The following UBN2 variants were observed in gnomAD, a reference collection of about 807,000 sequenced individuals.
The protein encoded by UBN2 is ubinuclein-2.
In UBN2, 35 loss-of-function variants were observed where a neutral mutation model predicts 120.2. The ratio of observed to expected loss-of-function variants is 0.29; its 90% confidence interval spans 0.22 to 0.39. UBN2 has a LOEUF of 0.39. Among genes scored for constraint, UBN2 ranks in the 10% least tolerant of loss-of-function variants. The pLI is 1.00. For missense variants in UBN2, 1,693 were observed against 1,663.2 expected, an observed-to-expected ratio of 1.02 and a Z score of -0.31; for synonymous variants, 661 against 648.7, an observed-to-expected ratio of 1.02 and a Z score of -0.29.
rs1032241013 is a variant in UBN2 at position 139,299,524 on chromosome 7, C to T, written c.*1688C>T. The T allele has an allele frequency of 2.0e-5, 3 of 151,972 alleles. No homozygotes were observed. The highest frequency in any genetic ancestry group is 3.9e-4 in the East Asian group (2 of 5,166). 9.4% of individuals were successfully genotyped at this position (151,972 alleles called of 1,614,324 possible). A position where few individuals can be genotyped will look rare whatever the true frequency, so the allele number is the denominator to read the frequency against. On this transcript the variant is annotated 3_prime_UTR_variant, in exon 18 of 18. Coordinates refer to ENST00000473989, the MANE Select transcript of UBN2 (RefSeq NM_173569.4). ...AAAGTCACATTGGCTTGCTTCATAGCGAAAAAGTTAATAAATAACTGAAAA... is the reference window on the plus strand; with the variant it reads ...AAAGTCACATTGGCTTGCTTCATAGTGAAAAAGTTAATAAATAACTGAAAA...
In UBN2 at chr7:139,305,002, G is replaced by A. The variant is rs1798335444; in HGVS notation, c.*7166G>A. 1.3e-5 allele frequency: 2 copies of A among 151,564 alleles called. No homozygotes were observed. The highest frequency in any genetic ancestry group is 4.1e-4 in the South Asian group (2 of 4,830). The allele number at this position is 151,564 out of a possible 1,614,324, so 9.4% of individuals were successfully genotyped here. A position where few individuals can be genotyped will look rare whatever the true frequency, so the allele number is the denominator to read the frequency against. ...TCATCTATCGTAAAATGTGAACTCT[G>A]TATTCAAAAACTATCTACAGATGCT... On this transcript the variant is annotated 3_prime_UTR_variant, in exon 18 of 18. Transcript: ENST00000473989.
At chr7:139,312,545 T>C (rs527365609), downstream of UBN2, among the ~76,000 whole-genome samples, 17 of 152,362 alleles carry the variant, frequency 1.1e-4, no homozygotes, top group East Asian at 3.3e-3. Context: ...CAATTGCATT[T>C]TGGTTTCTTG....
At chr7:139,261,985 G>A (rs182773923) in intron 6 of UBN2, among the ~76,000 whole-genome samples, 4,463 of 140,812 alleles carry the variant, frequency 0.032, 101 homozygotes, top group South Asian at 0.087. Flanking sequence ...GGGTTTCACC[G>A]TGTTAGCCAG....
the UBN2 span, among the ~76,000 whole-genome samples, chr7:139,320,025 G>A: frequency 1.3e-4 from 20 of 151,220 alleles, no homozygotes; most frequent in East Asian, 1.8e-3. Flanking sequence ...GCAGTGAGCC[G>A]AGATCGTGCC....
chr7:139,317,953 G>A, the UBN2 span, among the ~76,000 whole-genome samples: 1 of 152,082 alleles, frequency 6.6e-6, no homozygotes, highest in African/African-American at 2.4e-5. Flanking sequence ...ATGAGCCACC[G>A]CACGCAGCCC....
the UBN2 span, among the ~76,000 whole-genome samples, chr7:139,325,261 C>CT: frequency 0.028 from 2,579 of 90,786 alleles, 9 homozygotes; most frequent in Non-Finnish European, 0.037. Flanking sequence ...GAAATCACTG[C>CT]TTTTTTTTTT....
chr7:139,313,576 G>A, the UBN2 span, among the ~76,000 whole-genome samples: 1 of 152,042 alleles, frequency 6.6e-6, no homozygotes, highest in Non-Finnish European at 1.5e-5. Flanking sequence ...TTACGTCTTA[G>A]AGCATTAGAC....
intron 2 of UBN2, 61 bp downstream of exon 2, chr7:139,237,158 G>T: frequency 7.9e-7 from 1 of 1,271,848 alleles, no homozygotes; most frequent in Non-Finnish European, 1.1e-6. Context: ...TGCTTTCTGT[G>T]GCTGGTTGGG....
At position 139,231,591 on chromosome 7, in the gene UBN2, C is replaced by T. The variant is rs1380945722; in HGVS notation, c.107C>T (p.Pro36Leu). The part of the protein sequence containing the change: ...EREPEYPREP[P>L]RLEPQPYREP... ...GAGCCCGAGTACCCCCGCGAGCCCC[C>T]CCGGCTGGAGCCGCAGCCGTACCGC... The change falls in exon 1 of 18, where the codon CCC becomes CTC. Residue 36 changes from proline (P) to leucine (L), a missense_variant. Physicochemically the swap from Pro to Leu is moderately conservative, Grantham distance 98. Around this residue, in one of 5 missense-constraint regions of UBN2, gnomAD observed 663 missense variants for 591.2 expected, o/e 1.12. Coordinates refer to ENST00000473989, the MANE Select transcript of UBN2 (RefSeq NM_173569.4). 7 of 1,393,094 alleles carry T rather than the reference C, an allele frequency of 5.0e-6. No individual in the cohort carries two copies. In the Admixed American group the frequency reaches 1.6e-4, roughly 31 times the overall value. 86.3% of individuals were successfully genotyped at this position (1,393,094 alleles called of 1,614,324 possible).
Position 139,302,979 on chromosome 7 carries a change from C to T in UBN2, c.*5143C>T, listed in dbSNP as rs972188872. ...TAGACTAAACATGTGACAAGGCTAG[C>T]GTTAGAACCGCAGTTTGGTGTCTAA... On this transcript the variant is annotated 3_prime_UTR_variant, in exon 18 of 18. Coordinates refer to ENST00000473989, the MANE Select transcript of UBN2 (RefSeq NM_173569.4). 6.6e-6 allele frequency: 1 copy of T among 152,162 alleles called. No individual in the cohort carries two copies. Among genetic ancestry groups the T allele is most frequent in the Non-Finnish European group, 1.5e-5 (1 of 68,028 alleles). The allele number at this position is 152,162 out of a possible 1,614,324, so 9.4% of individuals were successfully genotyped here.
chr7:139,310,339 GA>G (rs1206724630), downstream of UBN2, among the ~76,000 whole-genome samples: 5 of 152,102 alleles, frequency 3.3e-5, no homozygotes, highest in South Asian at 8.3e-4. Context: ...TTTGGTAGGG[GA>G]AAAAAGTACA....
chr7:139,259,307 G>A lies in UBN2; in HGVS notation c.842G>A (p.Arg281Gln), dbSNP rs773685000. The A allele has an allele frequency of 5.0e-6, 8 of 1,613,658 alleles. No individual in the cohort carries two copies. Among genetic ancestry groups the A allele is most frequent in the Admixed American group, 1.7e-5 (1 of 59,974 alleles). The change falls in exon 5 of 18, where the codon CGG (arginine) becomes CAG (glutamine). Residue 281 changes from arginine (R) to glutamine (Q), a missense_variant. Arg to Gln is a conservative substitution (Grantham distance 43, BLOSUM62 1). Around this residue, in one of 5 missense-constraint regions of UBN2, gnomAD observed 663 missense variants for 591.2 expected, o/e 1.12. Coordinates refer to ENST00000473989, the MANE Select transcript of UBN2 (RefSeq NM_173569.4). ...IKEDDIEMKKRKRKEEGEKEK... is the reference protein window; with the variant it reads ...IKEDDIEMKKQKRKEEGEKEK... ...GAAGATGATATTGAGATGAAGAAGCGGAAGCGGAAAGAGGAAGGGGAAAAG... is the reference window on the plus strand; with the variant it reads ...GAAGATGATATTGAGATGAAGAAGCAGAAGCGGAAAGAGGAAGGGGAAAAG...
At chr7:139,330,423 C>T in the UBN2 span, among the ~76,000 whole-genome samples, 9 of 152,098 alleles carry the variant, frequency 5.9e-5, no homozygotes, top group African/African-American at 2.2e-4. Context: ...TCCTTTTTGC[C>T]TCTTACTTCC....
At chr7:139,259,433 A>T in intron 5 of UBN2, 63 bp downstream of exon 5, 2 of 1,586,340 alleles carry the variant, frequency 1.3e-6, no homozygotes, top group Admixed American at 3.8e-5. Context: ...TCCCTTTAGA[A>T]AGATATACTT....
the UBN2 span, among the ~76,000 whole-genome samples, chr7:139,324,434 T>C: frequency 6.6e-6 from 1 of 150,842 alleles, no homozygotes; most frequent in African/African-American, 2.4e-5. Context: ...CAGGCCCCTG[T>C]AGTCCCAGCT....
At chr7:139,237,825 C>G (rs1260076824) in intron 2 of UBN2, among the ~76,000 whole-genome samples, 2 of 152,008 alleles carry the variant, frequency 1.3e-5, no homozygotes, top group Admixed American at 6.6e-5. Context: ...GTTCTGAAAC[C>G]TTCCTGCCTC....
intron 2 of UBN2, among the ~76,000 whole-genome samples, chr7:139,242,559 G>A (rs1796350244): frequency 6.7e-6 from 1 of 149,926 alleles, no homozygotes; most frequent in African/African-American, 2.5e-5. Flanking sequence ...GCAAACTGGG[G>A]GAGGGGAGAG....
intron 2 of UBN2, among the ~76,000 whole-genome samples, chr7:139,250,671 T>C (rs1308356424): frequency 2.0e-5 from 3 of 152,168 alleles, no homozygotes; most frequent in African/African-American, 7.2e-5. Context: ...TGAAGTTATC[T>C]AAACTAGGAA....
chr7:139,287,550 A>G (rs543229513), intron 15 of UBN2, among the ~76,000 whole-genome samples: 46 of 152,324 alleles, frequency 3.0e-4, no homozygotes, highest in African/African-American at 1.0e-3. Flanking sequence ...GTTTGTCAGC[A>G]TGAAGGCTAC....
Sources: allele counts gnomAD v4.1 joint callset (sites outside exome capture counted in the v4.1 genomes callset), GRCh38; gene constraint gnomAD v4.1.1; regional missense constraint gnomAD v4.1.1; transcripts MANE v1.5; gene names NCBI Gene and HGNC (gene_info 2026-07-23, HGNC 2026-07-21).